CCSER1: variants seen among roughly 807,000 people sequenced by gnomAD.
CCSER1 encodes the protein serine-rich coiled-coil domain-containing protein 1.
A neutral mutation model predicts 82.0 loss-of-function variants in CCSER1; 41 were observed. That is an observed-to-expected ratio of 0.50 (90% CI 0.39 to 0.65). The LOEUF is 0.65. CCSER1 is among the 30% of genes least tolerant of loss of function. The pLI is 0.00. For synonymous variants in CCSER1, 414 were observed against 383.9 expected, an observed-to-expected ratio of 1.08 and a Z score of -0.92; for missense variants, 1,119 against 1,064.2, an observed-to-expected ratio of 1.05 and a Z score of -0.72.
Position 91,367,399 on chromosome 4 carries a change from A to G in CCSER1, c.2218-231173A>G, listed in dbSNP as rs1749704223. Among the ~76,000 whole-genome samples the G allele has an allele frequency of 2.0e-5, 3 of 148,708 alleles. 1 individual carries two copies. The Admixed American group carries it at 2.0e-4, about 10-fold the overall frequency. On this transcript the variant is annotated intron_variant, in intron 10 of 10. Transcript: ENST00000509176. Reference sequence around the variant, plus strand: ...TGGTTGTAAGGATGAGATCCATGGAAGTTTCCTGGGAGGAAGGGCTTTCTT... The same window carrying G: ...TGGTTGTAAGGATGAGATCCATGGAGGTTTCCTGGGAGGAAGGGCTTTCTT...
At chr4:91,575,796 C>T (rs1333736934) in intron 10 of CCSER1, among the ~76,000 whole-genome samples, 1 of 151,684 alleles carries the variant, frequency 6.6e-6, no homozygotes, top group Non-Finnish European at 1.5e-5. Context: ...ATTAAAACAA[C>T]AGTAAAATAC....
intron 6 of CCSER1, among the ~76,000 whole-genome samples, chr4:90,685,664 A>G (rs1264669877): frequency 6.6e-6 from 1 of 152,154 alleles, no homozygotes; most frequent in East Asian, 1.9e-4. Context: ...GTAACTGTTT[A>G]TTGTCTGGTG....
chr4:91,371,082 C>T (rs562911389), intron 10 of CCSER1, among the ~76,000 whole-genome samples: 3 of 152,150 alleles, frequency 2.0e-5, no homozygotes, highest in Non-Finnish European at 2.9e-5. Context: ...AGGCTTATCT[C>T]GAACTCCTGA....
intron 1 of CCSER1, among the ~76,000 whole-genome samples, chr4:90,148,974 T>A (rs1004096146): frequency 1.3e-5 from 2 of 152,082 alleles, no homozygotes; most frequent in African/African-American, 2.4e-5. Context: ...TGACATGCAT[T>A]TTAGAATATG....
chr4:91,092,115 TG>T (rs1724022359), intron 10 of CCSER1, among the ~76,000 whole-genome samples: 1 of 152,172 alleles, frequency 6.6e-6, no homozygotes, highest in African/African-American at 2.4e-5. Context: ...TCCTGTCTCT[TG>T]ATATACTTTC....
Position 90,710,902 on chromosome 4 carries a change from G to C in CCSER1, c.1933-13012G>C, listed in dbSNP as rs138866338. Among the ~76,000 whole-genome samples the C allele has an allele frequency of 4.7e-3, 710 of 152,028 alleles. 6 individuals carry two copies. Among genetic ancestry groups the C allele is most frequent in the African/African-American group, 0.017 (691 of 41,508 alleles). On this transcript the variant is annotated intron_variant, in intron 6 of 10. Coordinates refer to ENST00000509176, the MANE Select transcript of CCSER1 (RefSeq NM_001145065.2). ...TGGTTTAATGGGAATAGCATTGAAT[G>C]TATAAACTACTTTTGGGAAGTATGG...
intron 10 of CCSER1, among the ~76,000 whole-genome samples, chr4:91,336,193 C>T (rs1374200064): frequency 6.6e-6 from 1 of 152,092 alleles, no homozygotes; most frequent in Non-Finnish European, 1.5e-5. Context: ...GCTACATTTC[C>T]ATACATACTG....
At chr4:90,759,088 A>G (rs1174208021) in intron 7 of CCSER1, among the ~76,000 whole-genome samples, 1 of 152,096 alleles carries the variant, frequency 6.6e-6, no homozygotes, top group Non-Finnish European at 1.5e-5. Flanking sequence ...TAGTCATCCT[A>G]AATTCGAAGA....
chr4:90,599,005 G>A (rs1042686018), intron 5 of CCSER1, among the ~76,000 whole-genome samples: 1 of 152,164 alleles, frequency 6.6e-6, no homozygotes, highest in African/African-American at 2.4e-5. Flanking sequence ...GGTTCAGAAC[G>A]TGATAGTGCA....
intron 10 of CCSER1, among the ~76,000 whole-genome samples, chr4:91,177,868 T>A (rs1241768123): frequency 6.6e-6 from 1 of 152,204 alleles, no homozygotes; most frequent in Non-Finnish European, 1.5e-5. Flanking sequence ...TGAAGGTGTT[T>A]GCTCTTGCTT....
chr4:91,228,050 C>G (rs571078207), intron 10 of CCSER1, among the ~76,000 whole-genome samples: 1 of 152,136 alleles, frequency 6.6e-6, no homozygotes, highest in African/African-American at 2.4e-5. Flanking sequence ...GCTTTAACCA[C>G]TCTTGTACTT....
chr4:90,441,971 T>A (rs115043737), intron 4 of CCSER1, among the ~76,000 whole-genome samples: 1,586 of 152,332 alleles, frequency 0.01, 21 homozygotes, highest in African/African-American at 0.036. Context: ...TTGTTAGTCC[T>A]GTGGGATGGC....
intron 1 of CCSER1, among the ~76,000 whole-genome samples, chr4:90,256,325 C>T (rs908542139): frequency 6.6e-6 from 1 of 152,096 alleles, no homozygotes; most frequent in Non-Finnish European, 1.5e-5. Flanking sequence ...TGTATTGTGC[C>T]AGGCATTGTT....
At chr4:91,038,703 A>G (rs1741664996) in intron 9 of CCSER1, among the ~76,000 whole-genome samples, 1 of 152,180 alleles carries the variant, frequency 6.6e-6, no homozygotes, top group Admixed American at 6.5e-5. Context: ...AGTAAGACAG[A>G]TTCATTCTTG....
intron 3 of CCSER1, among the ~76,000 whole-genome samples, chr4:90,348,594 A>G (rs1257847028): frequency 2.6e-5 from 4 of 152,202 alleles, no homozygotes; most frequent in African/African-American, 9.6e-5. Flanking sequence ...CATCTCAATA[A>G]AAATTACTCA....
At chr4:91,071,554 G>T (rs1394826140) in intron 9 of CCSER1, among the ~76,000 whole-genome samples, 1 of 152,126 alleles carries the variant, frequency 6.6e-6, no homozygotes, top group African/African-American at 2.4e-5. Context: ...GATGGGTTTG[G>T]TGTATAGAGA....
chr4:91,342,641 A>G (rs924308215), intron 10 of CCSER1, among the ~76,000 whole-genome samples: 1 of 152,132 alleles, frequency 6.6e-6, no homozygotes, highest in Non-Finnish European at 1.5e-5. Context: ...TGTGTTAGTA[A>G]CTCAGTTCTA....
chr4:91,160,754 T>C (rs762064487), intron 10 of CCSER1, among the ~76,000 whole-genome samples: 1 of 151,260 alleles, frequency 6.6e-6, no homozygotes, highest in Non-Finnish European at 1.5e-5. Context: ...TTGTTGTTGT[T>C]GTTTTTTTTG....
intron 9 of CCSER1, among the ~76,000 whole-genome samples, chr4:90,993,021 C>T (rs924349161): frequency 6.6e-6 from 1 of 151,986 alleles, no homozygotes; most frequent in African/African-American, 2.4e-5. Flanking sequence ...TGTCCACAAC[C>T]CTAAGTCTCC....
Sources: gnomAD v4.1 joint callset for allele counts (sites outside exome capture counted in the v4.1 genomes callset) on GRCh38, gnomAD v4.1.1 for gene constraint, MANE v1.5 for transcripts, NCBI Gene and HGNC (gene_info 2026-07-23, HGNC 2026-07-21) for gene names.